The following ESRRG variants were observed in gnomAD, a reference collection of about 807,000 sequenced individuals.
ESRRG encodes estrogen related receptor gamma.
Under a neutral mutation model 44.0 loss-of-function variants are expected in ESRRG, and 13 were observed. That is an observed-to-expected ratio of 0.30 (90% CI 0.19 to 0.47). The LOEUF is 0.47. ESRRG is among the 20% of genes least tolerant of loss of function. The pLI is 1.00. For missense variants in ESRRG, 395 were observed against 580.6 expected (o/e 0.68, Z 3.29); for synonymous variants, 215 against 214.6 (o/e 1.00, Z -0.02).
At chr1:217,014,754 A>G (rs904993553) in intron 1 of ESRRG, among the ~76,000 whole-genome samples, 1 of 152,210 alleles carries the variant, frequency 6.6e-6, no homozygotes, top group African/African-American at 2.4e-5. Context: ...TTAAAAGAGG[A>G]GCATATAAGT....
intron 3 of ESRRG, among the ~76,000 whole-genome samples, chr1:216,642,840 A>G (rs1055502650): frequency 4.6e-5 from 7 of 152,226 alleles, no homozygotes; most frequent in Admixed American, 1.3e-4. Context: ...AGGTTTTTAC[A>G]GAAGATATTT....
At chr1:216,519,065 G>A (rs145594586) in intron 6 of ESRRG, 87 bp downstream of exon 6, 308 of 1,214,784 alleles carry the variant, frequency 2.5e-4, no homozygotes, top group Non-Finnish European at 3.2e-4. Flanking sequence ...TACAAACCAG[G>A]TCTAGCAAAT....
chr1:217,116,892 A>G (rs562781935), intron 1 of ESRRG, among the ~76,000 whole-genome samples: 1 of 152,326 alleles, frequency 6.6e-6, no homozygotes, highest in African/African-American at 2.4e-5. Flanking sequence ...TTAGAACCTT[A>G]AGAATGGGCA....
chr1:216,814,783 T>G (rs189912980), intron 2 of ESRRG, among the ~76,000 whole-genome samples: 9 of 152,316 alleles, frequency 5.9e-5, no homozygotes, highest in African/African-American at 2.2e-4. Flanking sequence ...TTCAGAAACA[T>G]ACTAGACTCC....
chr1:217,075,588 T>TCC (rs1431513982), intron 1 of ESRRG, among the ~76,000 whole-genome samples: 309 of 125,874 alleles, frequency 2.5e-3, no homozygotes, highest in African/African-American at 6.6e-3. Flanking sequence ...AATTGCTCCT[T>TCC]TCCCCCCCCC....
At chr1:216,795,675 A>G (rs1162007348) in intron 2 of ESRRG, among the ~76,000 whole-genome samples, 2 of 152,006 alleles carry the variant, frequency 1.3e-5, no homozygotes, top group African/African-American at 4.8e-5. Context: ...AAACATGAAT[A>G]CAATTCTAGG....
At chr1:216,720,433 T>C (rs1450745505) in intron 1 of ESRRG, among the ~76,000 whole-genome samples, 1 of 151,718 alleles carries the variant, frequency 6.6e-6, no homozygotes, top group Non-Finnish European at 1.5e-5. Context: ...AAGTCTAGAG[T>C]TTAAGTATTC....
chr1:216,551,013 G>A (rs563734266), intron 5 of ESRRG, among the ~76,000 whole-genome samples: 8 of 152,246 alleles, frequency 5.3e-5, no homozygotes, highest in South Asian at 4.1e-4. Context: ...GCCAGGAGGC[G>A]TGGTTGACAT....
chr1:217,022,506 T>A (rs1002312075), intron 1 of ESRRG, among the ~76,000 whole-genome samples: 29 of 152,208 alleles, frequency 1.9e-4, no homozygotes, highest in African/African-American at 6.5e-4. Flanking sequence ...ACTTCCCAAA[T>A]TTACTGATGG....
intron 1 of ESRRG, among the ~76,000 whole-genome samples, chr1:217,132,268 T>C (rs1354967806): frequency 6.6e-6 from 1 of 152,160 alleles, no homozygotes; most frequent in African/African-American, 2.4e-5. Flanking sequence ...GTGCTGGGAT[T>C]ACAGGTGTGT....
chr1:216,723,780 T>G (rs1245065316), upstream of ESRRG, among the ~76,000 whole-genome samples: 2 of 152,024 alleles, frequency 1.3e-5, no homozygotes, highest in African/African-American at 4.8e-5. Context: ...ATAACTAACT[T>G]AACTCTCTAA....
intron 2 of ESRRG, among the ~76,000 whole-genome samples, chr1:216,741,663 C>T (rs988085355): frequency 6.6e-6 from 1 of 152,184 alleles, no homozygotes; most frequent in African/African-American, 2.4e-5. Context: ...TAGGGCCTGA[C>T]AGACTGGATG....
intron 1 of ESRRG, among the ~76,000 whole-genome samples, chr1:217,085,480 C>CTTTTTTTTTTT (rs2092021463): frequency 1.5e-5 from 1 of 66,344 alleles, no homozygotes; most frequent in Admixed American, 1.7e-4. Flanking sequence ...CTTTTCTTTT[C>CTTTTTTTTTTT]ATTTTTTTTT....
rs78114879 is a variant in ESRRG, at chr1:216,717,508, C to A, written c.56+5736G>T. Among the ~76,000 whole-genome samples, 889 of 151,774 alleles carry A rather than the reference C, an allele frequency of 5.9e-3. 7 individuals carry two copies. Among genetic ancestry groups the A allele is most frequent in the African/African-American group, 0.021 (853 of 41,440 alleles). ...GATCTGATAGATTGGCATAAAGAAG[C>A]GGTTAGCAGAATTTTTTTAAAAACA... On this transcript the variant is annotated intron_variant, in intron 1 of 6. Coordinates refer to ENST00000408911, the MANE Select transcript of ESRRG (RefSeq NM_001438.4).
intron 3 of ESRRG, among the ~76,000 whole-genome samples, chr1:216,632,805 C>T (rs907553737): frequency 2.6e-5 from 4 of 151,088 alleles, no homozygotes; most frequent in East Asian, 1.9e-4. Context: ...AGTCAATGCC[C>T]GAAAGAAAGT....
chr1:217,005,440 A>G (rs1460983317), intron 1 of ESRRG, among the ~76,000 whole-genome samples: 1 of 152,210 alleles, frequency 6.6e-6, no homozygotes, highest in East Asian at 1.9e-4. Flanking sequence ...AAATCAATAA[A>G]AATTTCAATC....
chr1:216,635,605 T>C, intron 3 of ESRRG, among the ~76,000 whole-genome samples: 1 of 152,108 alleles, frequency 6.6e-6, no homozygotes. Flanking sequence ...TCAAGGTCAT[T>C]TGTTTCTGGT....
intron 2 of ESRRG, among the ~76,000 whole-genome samples, chr1:216,787,135 C>T (rs146112323): frequency 3.5e-4 from 54 of 152,150 alleles, no homozygotes; most frequent in African/African-American, 1.2e-3. Context: ...GTTAATGTTA[C>T]TGTTGTAATT....
chr1:216,600,339 T>C (rs2059031610), intron 3 of ESRRG, among the ~76,000 whole-genome samples: 1 of 152,164 alleles, frequency 6.6e-6, no homozygotes, highest in African/African-American at 2.4e-5. Context: ...AACTATGGAC[T>C]TCTTTGGGTA....
Sources: allele counts gnomAD v4.1 joint callset (sites outside exome capture counted in the v4.1 genomes callset), GRCh38; gene constraint gnomAD v4.1.1; transcripts MANE v1.5; gene names NCBI Gene and HGNC (gene_info 2026-07-23, HGNC 2026-07-21).